BMPR1B: variants seen among roughly 807,000 people sequenced by gnomAD.
BMPR1B encodes bone morphogenetic protein receptor type-1B.
BMPR1B carries 12 observed loss-of-function variants against 59.1 expected under a neutral mutation model. The observed-to-expected ratio is 0.20, with a 90% CI of 0.13 to 0.33. The LOEUF (loss-of-function observed/expected upper bound fraction) is 0.33, where lower values mean the gene tolerates loss of function less well. Among genes scored for constraint, BMPR1B ranks in the 10% least tolerant of loss-of-function variants. The pLI, the probability that BMPR1B is intolerant of heterozygous loss-of-function variation, is 1.00. For missense variants in BMPR1B, 550 were observed against 610.9 expected (o/e 0.90, Z 1.05); for synonymous variants, 237 against 207.3 (o/e 1.14, Z -1.23).
chr4:94,806,145 CTT>C (rs1251271686), intron 1 of BMPR1B, among the ~76,000 whole-genome samples: 1 of 152,108 alleles, frequency 6.6e-6, no homozygotes, highest in Non-Finnish European at 1.5e-5. Context: ...CAGCTAGTCT[CTT>C]ATTATCTAAA....
chr4:94,933,051 G>C (rs766309609), intron 2 of BMPR1B, among the ~76,000 whole-genome samples: 2 of 152,028 alleles, frequency 1.3e-5, no homozygotes, highest in Non-Finnish European at 2.9e-5. Context: ...AGCATCTGGT[G>C]TATCTTTCTT....
intron 6 of BMPR1B, among the ~76,000 whole-genome samples, chr4:95,116,814 G>C (rs1490735150): frequency 6.6e-6 from 1 of 151,802 alleles, no homozygotes; most frequent in Admixed American, 6.6e-5. Context: ...ATTTGTTCCT[G>C]TTCTAGCCTA....
At chr4:94,860,827 A>G (rs1181228690) in intron 1 of BMPR1B, among the ~76,000 whole-genome samples, 1 of 138,480 alleles carries the variant, frequency 7.2e-6, no homozygotes, top group South Asian at 2.1e-4. Context: ...TGTCTTTTAT[A>G]TGTTGGCTTT....
intron 1 of BMPR1B, among the ~76,000 whole-genome samples, chr4:94,773,609 G>A (rs1442181193): frequency 6.6e-6 from 1 of 151,976 alleles, no homozygotes; most frequent in African/African-American, 2.4e-5. Context: ...TTGTTGAAAC[G>A]ATTTTGTTCA....
chr4:94,990,550 A>G (rs572500542), intron 2 of BMPR1B, among the ~76,000 whole-genome samples: 4 of 152,332 alleles, frequency 2.6e-5, no homozygotes, highest in Admixed American at 2.0e-4. Flanking sequence ...TGCAGGTACT[A>G]ACATTAAATC....
chr4:94,965,844 C>G (rs760847749), intron 2 of BMPR1B, among the ~76,000 whole-genome samples: 5 of 152,102 alleles, frequency 3.3e-5, no homozygotes, highest in Non-Finnish European at 7.4e-5. Flanking sequence ...TCTTAAGGCA[C>G]TCAACAGCTC....
At chr4:94,993,945 T>G (rs75395742) in intron 2 of BMPR1B, among the ~76,000 whole-genome samples, 2,008 of 152,262 alleles carry the variant, frequency 0.013, 32 homozygotes, top group African/African-American at 0.044. Flanking sequence ...GTGATTATAT[T>G]AAATTATTGT....
intron 10 of BMPR1B, among the ~76,000 whole-genome samples, chr4:95,145,722 A>G (rs1579160058): frequency 6.6e-6 from 1 of 152,220 alleles, no homozygotes; most frequent in South Asian, 2.1e-4. Flanking sequence ...GGGCAGAGCT[A>G]AATGTTTTGG....
At chr4:94,984,512 AT>A (rs1346396684) in intron 2 of BMPR1B, among the ~76,000 whole-genome samples, 1 of 152,160 alleles carries the variant, frequency 6.6e-6, no homozygotes, top group Non-Finnish European at 1.5e-5. Context: ...ACTACTTAGG[AT>A]TGCCCCTTCA....
intron 2 of BMPR1B, among the ~76,000 whole-genome samples, chr4:94,887,327 C>T (rs1727211143): frequency 7.1e-6 from 1 of 141,642 alleles, no homozygotes; most frequent in African/African-American, 2.6e-5. Flanking sequence ...TCATACAAAT[C>T]TATTGAAAAA....
chr4:95,150,050 A>G (rs1259747749), intron 11 of BMPR1B, among the ~76,000 whole-genome samples: 1 of 152,228 alleles, frequency 6.6e-6, no homozygotes, highest in African/African-American at 2.4e-5. Context: ...AAATACAAAG[A>G]AGAAACAGTT....
At chr4:95,135,802 C>A (rs189353253) in intron 10 of BMPR1B, among the ~76,000 whole-genome samples, 283 of 152,280 alleles carry the variant, frequency 1.9e-3, no homozygotes, top group African/African-American at 6.6e-3. Flanking sequence ...ATCATGTCAT[C>A]TGCAAACAGG....
intron 1 of BMPR1B, among the ~76,000 whole-genome samples, chr4:94,845,908 G>A (rs2148941037): frequency 6.6e-6 from 1 of 152,184 alleles, no homozygotes; most frequent in South Asian, 2.1e-4. Flanking sequence ...GAATTTGGAA[G>A]AATTATTTCT....
At chr4:95,051,016 A>G (rs1435288873) in intron 3 of BMPR1B, among the ~76,000 whole-genome samples, 3 of 152,226 alleles carry the variant, frequency 2.0e-5, no homozygotes, top group Non-Finnish European at 4.4e-5. Context: ...TTAGGTTAAC[A>G]GCTCTTAAAA....
At chr4:95,044,345 T>G (rs1401035562) in intron 3 of BMPR1B, among the ~76,000 whole-genome samples, 1 of 152,224 alleles carries the variant, frequency 6.6e-6, no homozygotes, top group Non-Finnish European at 1.5e-5. Flanking sequence ...AAGAAAAGTT[T>G]GGCAGGCTCC....
At chr4:94,780,089 C>G (rs142258944) in intron 1 of BMPR1B, among the ~76,000 whole-genome samples, 1,671 of 152,010 alleles carry the variant, frequency 0.011, 24 homozygotes, top group African/African-American at 0.038. Flanking sequence ...TTTTAATTGC[C>G]TGCTAGATTT....
chr4:95,071,749 A>G (rs545995106), intron 3 of BMPR1B, among the ~76,000 whole-genome samples: 7 of 151,020 alleles, frequency 4.6e-5, no homozygotes, highest in Non-Finnish European at 8.8e-5. Flanking sequence ...CATGAAAACC[A>G]TAATTCAAGG....
intron 2 of BMPR1B, among the ~76,000 whole-genome samples, chr4:94,982,950 A>G (rs1721184208): frequency 6.6e-6 from 1 of 151,604 alleles, no homozygotes. Flanking sequence ...GTGCCACTGC[A>G]CTCCAGCCTG....
intron 3 of BMPR1B, among the ~76,000 whole-genome samples, chr4:95,098,678 C>T (rs997205224): frequency 2.0e-5 from 3 of 151,996 alleles, no homozygotes; most frequent in East Asian, 1.9e-4. Context: ...GCTTCTCTTC[C>T]GCCTTGCCTT....
Sources: gnomAD v4.1 joint callset for allele counts (sites outside exome capture counted in the v4.1 genomes callset) on GRCh38, gnomAD v4.1.1 for gene constraint, MANE v1.5 for transcripts, NCBI Gene and HGNC (gene_info 2026-07-23, HGNC 2026-07-21) for gene names.